Variants in INSR observed in about 807,000 individuals in gnomAD.
INSR encodes IR.
INSR carries 67 observed loss-of-function variants against 142.6 expected under a neutral mutation model. The observed-to-expected ratio is 0.47, with a 90% CI of 0.39 to 0.58. The LOEUF (loss-of-function observed/expected upper bound fraction) is 0.58. Among genes scored for constraint, INSR ranks in the 20% least tolerant of loss-of-function variants. INSR has a pLI of 0.00. For synonymous variants in INSR, 756 were observed against 743.1 expected (o/e 1.02, Z -0.28); for missense variants, 1,248 against 1,833.2 (o/e 0.68, Z 5.83).
In INSR at chr19:7,192,307, G is replaced by GAAAAGAAAAGAAAAGAAAAGA. The variant is rs1555748612; in HGVS notation, c.653-7671_653-7670insTCTTTTCTTTTCTTTTCTTTT. Among the ~76,000 whole-genome samples, 3 of 128,346 alleles carry GAAAAGAAAAGAAAAGAAAAGA rather than the reference G, an allele frequency of 2.3e-5. No individual in the cohort carries two copies. The highest frequency in any genetic ancestry group is 9.2e-5 in the African/African-American group (3 of 32,768). The allele number at this position is 128,346 out of a possible 152,430, so 84.2% of individuals were successfully genotyped here. ...GAAAAGAAAAGAAAAGAAAAGAAAA[G>GAAAAGAAAAGAAAAGAAAAGA]AAAAAAATCACAGGCAGCCCAGGCT... is the stretch of plus-strand genomic sequence containing the variant. On this transcript the variant is annotated intron_variant, in intron 2 of 21. Transcript: ENST00000302850. The surrounding 1 kb of genome is among the most constrained non-coding windows in gnomAD (Gnocchi z 4.2).
intron 2 of INSR, among the ~76,000 whole-genome samples, chr19:7,230,791 G>A (rs1251883332): frequency 7.5e-6 from 1 of 133,394 alleles, no homozygotes; most frequent in Non-Finnish European, 1.5e-5. Flanking sequence ...CTGGGTGACA[G>A]TGAGACTCCA....
At position 7,112,286 on chromosome 19, in the gene INSR, A is replaced by G. The variant is rs530481012; in HGVS notation, c.*4770T>C. 21 of 152,334 alleles carry G rather than the reference A, an allele frequency of 1.4e-4. No homozygotes were observed. The highest frequency in any genetic ancestry group is 4.3e-4 in the African/African-American group (18 of 41,558). 9.4% of individuals were successfully genotyped at this position (152,334 alleles called of 1,614,324 possible). On this transcript the variant is annotated 3_prime_UTR_variant, in exon 22 of 22. Coordinates refer to ENST00000302850, the MANE Select transcript of INSR (RefSeq NM_000208.4). ...CAGATAATTTAATCAGAATTTTAAT[A>G]TAAACAGGTCATTATCCCATATTTT... is the stretch of plus-strand genomic sequence containing the variant.
intron 2 of INSR, among the ~76,000 whole-genome samples, chr19:7,188,172 C>T (rs762867666): frequency 5.3e-5 from 8 of 152,162 alleles, no homozygotes; most frequent in Non-Finnish European, 1.0e-4. Context: ...ACTTCCCCAG[C>T]AGAAGTCGCC....
chr19:7,196,538 C>T (rs1447662501), intron 2 of INSR, among the ~76,000 whole-genome samples: 1 of 152,036 alleles, frequency 6.6e-6, no homozygotes, highest in African/African-American at 2.4e-5. Context: ...GACTTGCGCA[C>T]AAAAATCCAG....
chr19:7,152,765 G>A lies in INSR; in HGVS notation c.2192C>T (p.Thr731Met). The A allele has an allele frequency of 6.2e-7, 1 of 1,613,144 alleles. No homozygotes were observed. The highest frequency in any genetic ancestry group is 8.5e-7 in the Non-Finnish European group (1 of 1,179,940). Residue 731 changes from threonine (T) to methionine (M), a missense_variant, in exon 10 of 22, where the codon ACG (threonine) becomes ATG (methionine). Thr to Met is a moderately conservative substitution (Grantham distance 81, BLOSUM62 -1). Around this residue, in one of 3 missense-constraint regions of INSR, gnomAD observed 1,069 missense variants for 1,654.0 expected, o/e 0.65. Coordinates refer to ENST00000302850, the MANE Select transcript of INSR (RefSeq NM_000208.4). ...KELEESSFRKTFEDYLHNVVF... is the reference protein window; with the variant it reads ...KELEESSFRKMFEDYLHNVVF... ...CACGTTGTGCAGGTAATCCTCAAAC[G>A]TCTTCCTAAACGAGGACTCCTCCAG... is the stretch of plus-strand genomic sequence containing the variant.
At chr19:7,205,500 G>A (rs1975083850) in intron 2 of INSR, among the ~76,000 whole-genome samples, 1 of 152,180 alleles carries the variant, frequency 6.6e-6, no homozygotes, top group African/African-American at 2.4e-5. Flanking sequence ...AGCCAGCCAT[G>A]CCTGTCAGTC....
intron 1 of INSR, among the ~76,000 whole-genome samples, chr19:7,287,029 T>G (rs530278636): frequency 6.6e-6 from 1 of 151,720 alleles, no homozygotes; most frequent in Admixed American, 6.6e-5. Flanking sequence ...GTTTTATTGT[T>G]AGTGGAGACA....
chr19:7,228,332 A>G (rs890861), intron 2 of INSR, among the ~76,000 whole-genome samples: 11,372 of 152,300 alleles, frequency 0.075, 512 homozygotes, highest in East Asian at 0.13. Context: ...TGCTGTCATT[A>G]TACACAGACA....
At chr19:7,147,858 T>C (rs1162443347) in intron 11 of INSR, among the ~76,000 whole-genome samples, 1 of 152,090 alleles carries the variant, frequency 6.6e-6, no homozygotes, top group African/African-American at 2.4e-5. Context: ...CAAATGAGTT[T>C]ATATACCAAA....
At chr19:7,204,509 T>C in intron 2 of INSR, among the ~76,000 whole-genome samples, 1 of 152,190 alleles carries the variant, frequency 6.6e-6, no homozygotes, top group Non-Finnish European at 1.5e-5. Context: ...TGTGAAGTTC[T>C]CTGATTGGGG....
intron 2 of INSR, among the ~76,000 whole-genome samples, chr19:7,219,323 G>A (rs768161507): frequency 1.8e-4 from 27 of 152,144 alleles, no homozygotes; most frequent in South Asian, 6.2e-4. Context: ...GACCACCCCC[G>A]GGGCTGGAAG....
intron 13 of INSR, among the ~76,000 whole-genome samples, chr19:7,141,317 A>C (rs1354804210): frequency 1.3e-5 from 2 of 152,162 alleles, no homozygotes; most frequent in Non-Finnish European, 2.9e-5. Flanking sequence ...GGCCTCCCAA[A>C]GTGCTTGGAT....
At chr19:7,288,299 A>G (rs1968397299) in intron 1 of INSR, among the ~76,000 whole-genome samples, 1 of 152,138 alleles carries the variant, frequency 6.6e-6, no homozygotes, top group Admixed American at 6.6e-5. Flanking sequence ...CCAGGAATTC[A>G]AGACCAGCAT....
At chr19:7,243,390 C>T (rs890594268) in intron 2 of INSR, among the ~76,000 whole-genome samples, 4 of 151,820 alleles carry the variant, frequency 2.6e-5, no homozygotes, top group South Asian at 4.2e-4. Flanking sequence ...GGATTACAGG[C>T]GTGCGCCACC....
intron 1 of INSR, among the ~76,000 whole-genome samples, chr19:7,292,280 G>C (rs1171351591): frequency 1.3e-5 from 2 of 149,936 alleles, no homozygotes; most frequent in Non-Finnish European, 3.0e-5. Context: ...GAGCAGAGAA[G>C]GGAGTTTCAC....
intron 2 of INSR, among the ~76,000 whole-genome samples, chr19:7,189,409 T>C (rs1824604146): frequency 3.9e-5 from 6 of 152,216 alleles, no homozygotes; most frequent in Admixed American, 3.9e-4. Context: ...ATCTGAGCTA[T>C]TTCATTTGTC....
chr19:7,218,635 G>A (rs543654109), intron 2 of INSR, among the ~76,000 whole-genome samples: 4 of 152,192 alleles, frequency 2.6e-5, no homozygotes, highest in Non-Finnish European at 5.9e-5. Flanking sequence ...CTGCCTCCTG[G>A]GTTTAAGTGA....
At chr19:7,183,263 GGTGTGTGTGTGTGTGT>G (rs71177167) in intron 3 of INSR, among the ~76,000 whole-genome samples, 5 of 146,480 alleles carry the variant, frequency 3.4e-5, no homozygotes, top group Admixed American at 2.1e-4. Flanking sequence ...GTTGTTTTGT[GGTGTGTGTGTGTGTGT>G]GTGTGTGTGT....
At chr19:7,266,907 C>T (rs1424644765) in intron 2 of INSR, among the ~76,000 whole-genome samples, 1 of 152,108 alleles carries the variant, frequency 6.6e-6, no homozygotes, top group African/African-American at 2.4e-5. Flanking sequence ...AAGAACTAAA[C>T]TATTTTTTTA....
Sources: allele counts gnomAD v4.1 joint callset (sites outside exome capture counted in the v4.1 genomes callset), GRCh38; gene constraint gnomAD v4.1.1; regional missense constraint gnomAD v4.1.1; non-coding constraint Gnocchi (gnomAD v3.1); transcripts MANE v1.5; gene names NCBI Gene and HGNC (gene_info 2026-07-23, HGNC 2026-07-21).